The following ADARB2 variants were observed in gnomAD, a reference collection of about 807,000 sequenced individuals.
The protein encoded by ADARB2 is inactive double-stranded RNA-specific editase B2.
A neutral mutation model predicts 62.2 loss-of-function variants in ADARB2; 25 were observed. The ratio of observed to expected loss-of-function variants is 0.40; its 90% confidence interval spans 0.29 to 0.56. The LOEUF (loss-of-function observed/expected upper bound fraction) is 0.56, where lower values mean the gene tolerates loss of function less well. Ranked by LOEUF, ADARB2 falls within the 20% of genes least tolerant of loss-of-function variation. The probability of loss-of-function intolerance (pLI) is 0.43; values close to 1 mark genes in which losing one functional copy is unlikely to be tolerated. For missense variants in ADARB2, 1,071 were observed against 1,077.4 expected (o/e 0.99, Z 0.08); for synonymous variants, 572 against 500.8 (o/e 1.14, Z -1.90).
chr10:1,411,162 G>A (rs1832756275), intron 1 of ADARB2, among the ~76,000 whole-genome samples: 1 of 152,068 alleles, frequency 6.6e-6, no homozygotes, highest in African/African-American at 2.4e-5. Flanking sequence ...AGGTGGGCAG[G>A]TGAGATGCCT....
At chr10:1,318,211 C>T (rs1831759138) in intron 3 of ADARB2, among the ~76,000 whole-genome samples, 1 of 152,138 alleles carries the variant, frequency 6.6e-6, no homozygotes, top group Non-Finnish European at 1.5e-5. Context: ...GCAAAAAATC[C>T]ACCCACAGAG....
At chr10:1,593,767 A>G (rs1330855831) in intron 1 of ADARB2, among the ~76,000 whole-genome samples, 1 of 152,158 alleles carries the variant, frequency 6.6e-6, no homozygotes, top group African/African-American at 2.4e-5. Context: ...ACTTTTTCCA[A>G]GTTTATTTGA....
At chr10:1,309,665 G>A (rs1273329717) in intron 3 of ADARB2, among the ~76,000 whole-genome samples, 2 of 152,224 alleles carry the variant, frequency 1.3e-5, no homozygotes, top group South Asian at 2.1e-4. Context: ...TCAGGGCCTG[G>A]CAAGGCAGGA....
intron 4 of ADARB2, among the ~76,000 whole-genome samples, chr10:1,262,355 C>T (rs984929913): frequency 6.7e-6 from 1 of 150,068 alleles, no homozygotes; most frequent in East Asian, 1.9e-4. Flanking sequence ...AGGCAGCCTA[C>T]AGAATGGGAG....
chr10:1,614,344 G>A (rs999587427), intron 1 of ADARB2, among the ~76,000 whole-genome samples: 2 of 152,112 alleles, frequency 1.3e-5, no homozygotes, highest in Admixed American at 1.3e-4. Context: ...TTTAAACTAG[G>A]CAAAGCAAAA....
intron 1 of ADARB2, among the ~76,000 whole-genome samples, chr10:1,543,361 T>C (rs991720605): frequency 6.6e-6 from 1 of 152,196 alleles, no homozygotes. Context: ...TGGGAACACA[T>C]TTTAAATAGC....
At chr10:1,458,411 T>A (rs1831124360) in intron 1 of ADARB2, among the ~76,000 whole-genome samples, 2 of 152,178 alleles carry the variant, frequency 1.3e-5, no homozygotes, top group Admixed American at 1.3e-4. Context: ...GAGGCTTTTC[T>A]ATGAAATTAA....
At chr10:1,305,888 T>C (rs1466138876) in intron 3 of ADARB2, among the ~76,000 whole-genome samples, 1 of 150,846 alleles carries the variant, frequency 6.6e-6, no homozygotes, top group African/African-American at 2.4e-5. Flanking sequence ...AATTAGGTAT[T>C]GATGGGACAT....
intron 1 of ADARB2, among the ~76,000 whole-genome samples, chr10:1,666,294 C>T (rs1343808278): frequency 6.6e-6 from 1 of 152,260 alleles, no homozygotes; most frequent in Non-Finnish European, 1.5e-5. Context: ...GGGCCACCTG[C>T]CCTGCCTGCC....
chr10:1,293,419 GC>G (rs1329514533), intron 3 of ADARB2, among the ~76,000 whole-genome samples: 1 of 56,172 alleles, frequency 1.8e-5, no homozygotes, highest in South Asian at 5.1e-4. Flanking sequence ...GTCTGTTTTA[GC>G]CCCGTCCTCC....
chr10:1,577,862 A>G (rs957705550), intron 1 of ADARB2, among the ~76,000 whole-genome samples: 23 of 152,198 alleles, frequency 1.5e-4, no homozygotes, highest in Non-Finnish European at 3.2e-4. Context: ...ATGGGCACAA[A>G]TCCGATCTGC....
At chr10:1,332,120 C>G (rs143715736) in intron 3 of ADARB2, among the ~76,000 whole-genome samples, 1 of 152,236 alleles carries the variant, frequency 6.6e-6, no homozygotes, top group Non-Finnish European at 1.5e-5. Flanking sequence ...AATGGACACA[C>G]TTGCTGGGTG....
intron 1 of ADARB2, among the ~76,000 whole-genome samples, chr10:1,435,497 G>C (rs570463499): frequency 2.7e-5 from 4 of 148,374 alleles, no homozygotes; most frequent in African/African-American, 7.9e-5. Context: ...GACCATTAAC[G>C]AGGGGGCCTG....
intron 1 of ADARB2, among the ~76,000 whole-genome samples, chr10:1,591,664 C>CAT (rs1642913223): frequency 1.3e-5 from 2 of 151,608 alleles, no homozygotes; most frequent in African/African-American, 4.9e-5. Context: ...TGCACGCACA[C>CAT]ACACACACAC....
At chr10:1,309,892 C>G (rs1434806609) in intron 3 of ADARB2, among the ~76,000 whole-genome samples, 2 of 152,248 alleles carry the variant, frequency 1.3e-5, no homozygotes, top group African/African-American at 4.8e-5. Flanking sequence ...GCCTCTGCAG[C>G]TGTGTGGACT....
chr10:1,220,144 ATGGTGATGATGGTGATGGTAATGATGG>A (rs1830675194), intron 6 of ADARB2, among the ~76,000 whole-genome samples: 1 of 118,642 alleles, frequency 8.4e-6, no homozygotes, highest in African/African-American at 3.4e-5. Flanking sequence ...AATGATGGCA[ATGGTGATGATGGTGATGGTAATGATGG>A]TGGTGATGAT....
chr10:1,554,007 G>A (rs1344109438), intron 1 of ADARB2, among the ~76,000 whole-genome samples: 1 of 152,196 alleles, frequency 6.6e-6, no homozygotes, highest in Non-Finnish European at 1.5e-5. Context: ...GTTGGAACCT[G>A]CCCCCAGCGC....
intron 1 of ADARB2, among the ~76,000 whole-genome samples, chr10:1,510,124 CTT>C (rs1359906272): frequency 8.5e-6 from 1 of 117,600 alleles, no homozygotes; most frequent in South Asian, 2.7e-4. Context: ...TTCTTTCTTT[CTT>C]TCTTTCTTTC....
At chr10:1,310,498 T>C (rs1831679229) in intron 3 of ADARB2, among the ~76,000 whole-genome samples, 2 of 152,220 alleles carry the variant, frequency 1.3e-5, no homozygotes, top group South Asian at 2.1e-4. Flanking sequence ...AAACCTACTT[T>C]CTAAGCCCTG....
Sources: allele counts gnomAD v4.1 joint callset (sites outside exome capture counted in the v4.1 genomes callset), GRCh38; gene constraint gnomAD v4.1.1; transcripts MANE v1.5; gene names NCBI Gene and HGNC (gene_info 2026-07-23, HGNC 2026-07-21).